The following ZSCAN30 variants were observed in gnomAD, a reference collection of about 807,000 sequenced individuals.
ZSCAN30 encodes zinc finger and SCAN domain containing 30, also known as zinc finger and SCAN domain-containing protein 30.
ZSCAN30 carries 37 observed loss-of-function variants against 44.3 expected under a neutral mutation model. The ratio of observed to expected loss-of-function variants is 0.84; its 90% CI spans 0.64 to 1.10. The LOEUF is 1.10. Ranked by LOEUF, ZSCAN30 falls within the 50% of genes least tolerant of loss-of-function variation. ZSCAN30 has a pLI of 0.00. For synonymous variants in ZSCAN30, 181 were observed against 204.6 expected (o/e 0.88, Z 0.98); for missense variants, 549 against 582.6 (o/e 0.94, Z 0.59).
chr18:35,284,006 C>G (rs1283158597), intron 1 of ZSCAN30: 1 of 152,528 alleles, frequency 6.6e-6, no homozygotes, highest in Admixed American at 6.5e-5. Flanking sequence ...AGAGGAGACC[C>G]TGGAGTGGGT....
chr18:35,253,780 A>G lies in ZSCAN30; in HGVS notation c.1155T>C (p.Tyr385=). The change falls in exon 4 of 4, where the codon TAT becomes TAC. Residue 385 remains tyrosine (Y), a synonymous_variant. Coordinates refer to ENST00000333206, the MANE Select transcript of ZSCAN30 (RefSeq NM_001112734.4). ...AGGCCTTCCCACATTCTCCACATTC[A>G]TAAGGCTTCTCTCCAGTGTGGATTC... The part of the protein sequence containing the change: ...HRRIHTGEKP[Y]ECGECGKAFS... 6.2e-7 allele frequency: 1 copy of G among 1,614,198 alleles called. No homozygotes were observed. Among genetic ancestry groups the G allele is most frequent in the Non-Finnish European group, 8.5e-7 (1 of 1,180,018 alleles).
At chr18:35,279,516 AG>A (rs1399504827) in intron 1 of ZSCAN30, among the ~76,000 whole-genome samples, 1 of 152,256 alleles carries the variant, frequency 6.6e-6, no homozygotes, top group East Asian at 1.9e-4. Context: ...TAGGCCATTC[AG>A]GCTGCTATAA....
chr18:35,259,579 T>G (rs988523648), intron 3 of ZSCAN30: 1 of 154,010 alleles, frequency 6.5e-6, no homozygotes, highest in Non-Finnish European at 1.5e-5. Context: ...TATTTTGGAT[T>G]AAGGCCAACC....
In ZSCAN30 at chr18:35,251,413, C is replaced by T. The variant is rs558851994; in HGVS notation, c.*2037G>A. 6.6e-6 allele frequency: 1 copy of T among 152,156 alleles called. No homozygotes were observed. The highest frequency in any genetic ancestry group is 6.5e-5 in the Admixed American group (1 of 15,278). The allele number at this position is 152,156 out of a possible 1,614,324, so 9.4% of individuals were successfully genotyped here. A position where few individuals can be genotyped will look rare whatever the true frequency, so the allele number is the denominator to read the frequency against. ...TATCCATTTGAAAGATCCCTTTAGA[C>T]TTCTGATCGACCTCACTCGATAACT... On this transcript the variant is annotated 3_prime_UTR_variant, in exon 4 of 4. Transcript: ENST00000333206.
chr18:35,254,602 G>C (rs1020424229), intron 3 of ZSCAN30: 2 of 717,642 alleles, frequency 2.8e-6, no homozygotes, highest in African/African-American at 3.6e-5. Flanking sequence ...TATTGGAGAA[G>C]AGGGATGGTG....
rs1179322495 is a variant in ZSCAN30 at position 35,251,099 on chromosome 18, TAC to T, written c.*2349_*2350del. The stretch of plus-strand genomic sequence containing the variant: ...AGTTTTATTGCAATACATCTTGCAT[TAC>T]ATTCTAATAATAAACGGTTGAAGTA... On this transcript the variant is annotated 3_prime_UTR_variant, in exon 4 of 4. Coordinates refer to ENST00000333206, the MANE Select transcript of ZSCAN30 (RefSeq NM_001112734.4). 1 of 152,214 alleles carries T rather than the reference TAC, an allele frequency of 6.6e-6. No homozygotes were observed. Among genetic ancestry groups the T allele is most frequent in the Non-Finnish European group, 1.5e-5 (1 of 68,042 alleles). The allele number at this position is 152,214 out of a possible 1,614,324, so 9.4% of individuals were successfully genotyped here. A position where few individuals can be genotyped will look rare whatever the true frequency, so the allele number is the denominator to read the frequency against.
chr18:35,279,436 A>T (rs2044417761), intron 1 of ZSCAN30, among the ~76,000 whole-genome samples: 1 of 152,252 alleles, frequency 6.6e-6, no homozygotes, highest in Non-Finnish European at 1.5e-5. Context: ...TAAGAACACC[A>T]GGCATTGGAT....
At chr18:35,276,516 T>C (rs1487881090) in intron 1 of ZSCAN30, among the ~76,000 whole-genome samples, 1 of 152,186 alleles carries the variant, frequency 6.6e-6, no homozygotes, top group African/African-American at 2.4e-5. Context: ...CCCTGCATCC[T>C]AGCCGCTCCA....
intron 1 of ZSCAN30, among the ~76,000 whole-genome samples, chr18:35,287,496 T>C (rs974606477): frequency 1.4e-5 from 2 of 144,446 alleles, no homozygotes; most frequent in Admixed American, 7.4e-5. Flanking sequence ...CACACATATA[T>C]GGATAACTGA....
Position 35,253,238 on chromosome 18 carries a change from C to G in ZSCAN30, c.*212G>C, listed in dbSNP as rs1254680538. 5 of 441,450 alleles carry G rather than the reference C, an allele frequency of 1.1e-5. No homozygotes were observed. Among genetic ancestry groups the G allele is most frequent in the Non-Finnish European group, 2.0e-5 (5 of 249,072 alleles). 27.3% of individuals were successfully genotyped at this position (441,450 alleles called of 1,614,324 possible). A position where few individuals can be genotyped will look rare whatever the true frequency, so the allele number is the denominator to read the frequency against. On this transcript the variant is annotated 3_prime_UTR_variant, in exon 4 of 4. Coordinates refer to ENST00000333206, the MANE Select transcript of ZSCAN30 (RefSeq NM_001112734.4). ...TTAGGCATTTCAAGGAAATATCTAC[C>G]ATTCTTTTTGGAGAAGACTTGGGTA...
chr18:35,264,655 T>A (rs1487562783), intron 1 of ZSCAN30, among the ~76,000 whole-genome samples, 200 bp from the exon 2 acceptor site: 2 of 152,124 alleles, frequency 1.3e-5, no homozygotes, highest in African/African-American at 2.4e-5. Flanking sequence ...ATGGCTGAAA[T>A]CAATTTGGCC....
At chr18:35,288,342 T>C (rs752797342) in intron 1 of ZSCAN30, among the ~76,000 whole-genome samples, 2 of 152,190 alleles carry the variant, frequency 1.3e-5, no homozygotes, top group Admixed American at 1.3e-4. Context: ...ACACAGTGAG[T>C]TGGTAAGGAT....
At position 35,254,122 on chromosome 18, in the gene ZSCAN30, A is replaced by G; in HGVS notation, c.813T>C (p.Ser271=). Residue 271 remains serine (S), a synonymous_variant, in exon 4 of 4, where the codon AGT becomes AGC. Coordinates refer to ENST00000333206, the MANE Select transcript of ZSCAN30 (RefSeq NM_001112734.4). ...CTTCACTCTCATGAGATTCAAGGACACTGTGTTCTGTGGGGATTCTTCTGT... is the reference window on the plus strand; with the variant it reads ...CTTCACTCTCATGAGATTCAAGGACGCTGTGTTCTGTGGGGATTCTTCTGT... ...TFNRRIPTEH[S]VLESHESEGS... 6.2e-7 allele frequency: 1 copy of G among 1,614,146 alleles called. No individual in the cohort carries two copies. The highest frequency in any genetic ancestry group is 8.5e-7 in the Non-Finnish European group (1 of 1,180,004).
At chr18:35,284,739 C>T (rs968791319) in intron 1 of ZSCAN30, 1 of 155,088 alleles carries the variant, frequency 6.4e-6, no homozygotes, top group African/African-American at 2.4e-5. Context: ...CAGCCACAAC[C>T]TGGGTGGCTA....
intron 1 of ZSCAN30, among the ~76,000 whole-genome samples, chr18:35,275,945 T>G (rs2044359786): frequency 6.6e-6 from 1 of 152,252 alleles, no homozygotes; most frequent in Non-Finnish European, 1.5e-5. Context: ...TTTTGTCCTT[T>G]ATTCTGTTGA....
chr18:35,261,731 C>A (rs887061113), intron 3 of ZSCAN30: 2 of 152,134 alleles, frequency 1.3e-5, no homozygotes, highest in East Asian at 3.8e-4. Flanking sequence ...ATGATTTTTG[C>A]ACATTAATTT....
chr18:35,276,974 T>C (rs905429098), intron 1 of ZSCAN30, among the ~76,000 whole-genome samples: 1 of 152,228 alleles, frequency 6.6e-6, no homozygotes, highest in Non-Finnish European at 1.5e-5. Flanking sequence ...GGGGCAGAGC[T>C]GCCCAAGGCT....
chr18:35,266,077 C>T (rs1440577046), intron 1 of ZSCAN30, among the ~76,000 whole-genome samples: 1 of 152,160 alleles, frequency 6.6e-6, no homozygotes, highest in Non-Finnish European at 1.5e-5. Context: ...CTTCTGACTA[C>T]GGCTCAAAAT....
At chr18:35,263,177 G>T (rs1408552297) in intron 3 of ZSCAN30, 3 of 379,570 alleles carry the variant, frequency 7.9e-6, no homozygotes, top group South Asian at 6.8e-5. Context: ...GGGGTTCAAG[G>T]CTGCTGCAGT....
Sources: gnomAD v4.1 joint callset for allele counts (sites outside exome capture counted in the v4.1 genomes callset) on GRCh38, gnomAD v4.1.1 for gene constraint, MANE v1.5 for transcripts, NCBI Gene and HGNC (gene_info 2026-07-23, HGNC 2026-07-21) for gene names.